ACBD6: variants seen among roughly 807,000 people sequenced by gnomAD.
The protein encoded by ACBD6 is acyl-CoA binding domain containing 6.
ACBD6 carries 28 observed loss-of-function variants against 37.2 expected under a neutral mutation model. The observed-to-expected ratio is 0.75, with a 90% CI of 0.56 to 1.03. ACBD6 has a LOEUF of 1.03. Ranked by LOEUF, ACBD6 falls within the 50% of genes least tolerant of loss-of-function variation. The pLI is 0.00. For missense variants in ACBD6, 340 were observed against 337.4 expected (o/e 1.01, Z -0.06); for synonymous variants, 113 against 126.8 (o/e 0.89, Z 0.73).
chr1:180,326,202 C>T (rs1160176244), intron 6 of ACBD6, among the ~76,000 whole-genome samples: 1 of 152,176 alleles, frequency 6.6e-6, no homozygotes, highest in African/African-American at 2.4e-5. Context: ...ACCTGGTGTT[C>T]TATTTTACTG....
chr1:180,354,850 GAT>G (rs963878975), intron 6 of ACBD6, among the ~76,000 whole-genome samples: 3 of 152,044 alleles, frequency 2.0e-5, no homozygotes, highest in African/African-American at 7.2e-5. Flanking sequence ...TCTTATTTCT[GAT>G]ATAGTTTTTA....
At chr1:180,344,533 C>G (rs1199391433) in intron 6 of ACBD6, among the ~76,000 whole-genome samples, 1 of 152,098 alleles carries the variant, frequency 6.6e-6, no homozygotes, top group Non-Finnish European at 1.5e-5. Context: ...CTGAAAAGAA[C>G]ACTTATCTAG....
At chr1:180,433,405 C>T (rs1015370658) in intron 3 of ACBD6, among the ~76,000 whole-genome samples, 2 of 152,104 alleles carry the variant, frequency 1.3e-5, no homozygotes, top group Admixed American at 6.5e-5. Flanking sequence ...ACAATAAAGG[C>T]TATATATGAA....
At chr1:180,319,704 A>C (rs1650979545) in intron 6 of ACBD6, among the ~76,000 whole-genome samples, 1 of 152,048 alleles carries the variant, frequency 6.6e-6, no homozygotes, top group African/African-American at 2.4e-5. Flanking sequence ...CTCTATCTCC[A>C]TGAGTTCAAC....
At chr1:180,295,141 TCA>T (rs907040174) in intron 7 of ACBD6, among the ~76,000 whole-genome samples, 1 of 152,240 alleles carries the variant, frequency 6.6e-6, no homozygotes, top group African/African-American at 2.4e-5. Flanking sequence ...CTTTATTGTT[TCA>T]CACTTACTTT....
downstream of ACBD6, among the ~76,000 whole-genome samples, chr1:180,287,578 CTTTTTTTTTT>C (rs72179174): frequency 5.6e-5 from 4 of 71,568 alleles, no homozygotes; most frequent in African/African-American, 1.0e-4. Flanking sequence ...CAGATCTAAG[CTTTTTTTTTT>C]TTTTTTTTTT....
chr1:180,342,036 G>C (rs1652002875), intron 6 of ACBD6, among the ~76,000 whole-genome samples: 1 of 152,042 alleles, frequency 6.6e-6, no homozygotes, highest in South Asian at 2.1e-4. Flanking sequence ...TGCCTAATTT[G>C]GAGCTTTTGT....
intron 6 of ACBD6, among the ~76,000 whole-genome samples, chr1:180,365,902 A>G (rs1653037461): frequency 4.6e-5 from 7 of 152,054 alleles, no homozygotes; most frequent in Admixed American, 4.6e-4. Flanking sequence ...CACTCTGAGT[A>G]TATCAGTTTG....
At chr1:180,376,397 T>C (rs1346678979) in intron 6 of ACBD6, among the ~76,000 whole-genome samples, 1 of 152,208 alleles carries the variant, frequency 6.6e-6, no homozygotes, top group Non-Finnish European at 1.5e-5. Context: ...GTTGCAGCAC[T>C]GTTTGTAATT....
intron 6 of ACBD6, among the ~76,000 whole-genome samples, chr1:180,325,053 CTTGA>C (rs1651204289): frequency 1.3e-5 from 2 of 152,004 alleles, no homozygotes; most frequent in South Asian, 4.1e-4. Flanking sequence ...CCTCTGGGAG[CTTGA>C]TTATTAAATG....
chr1:180,378,201 T>C (rs61700262), intron 6 of ACBD6, among the ~76,000 whole-genome samples: 5,498 of 152,236 alleles, frequency 0.036, 307 homozygotes, highest in African/African-American at 0.12. Context: ...ACTTCTGTGA[T>C]ATTCTTGCCA....
intron 3 of ACBD6, among the ~76,000 whole-genome samples, chr1:180,450,831 C>T (rs1324100041): frequency 6.6e-6 from 1 of 151,960 alleles, no homozygotes; most frequent in Non-Finnish European, 1.5e-5. Context: ...CTATGTGGGC[C>T]TAAAAAGCAA....
intron 6 of ACBD6, among the ~76,000 whole-genome samples, chr1:180,363,764 C>A (rs1652933284): frequency 6.6e-6 from 1 of 152,118 alleles, no homozygotes; most frequent in African/African-American, 2.4e-5. Context: ...GTCCTTGAAC[C>A]TATGGTGCAC....
chr1:180,319,691 ACT>A (rs1226948733), intron 6 of ACBD6, among the ~76,000 whole-genome samples: 1 of 151,744 alleles, frequency 6.6e-6, no homozygotes, highest in Non-Finnish European at 1.5e-5. Flanking sequence ...CCATCCTCCT[ACT>A]CTCTATCTCC....
intron 6 of ACBD6, among the ~76,000 whole-genome samples, chr1:180,364,146 T>A (rs1048945898): frequency 6.6e-6 from 1 of 152,212 alleles, no homozygotes; most frequent in South Asian, 2.1e-4. Context: ...CTGGCTAATA[T>A]TGGGCTAATA....
At chr1:180,472,027 T>A (rs1172594337) in intron 3 of ACBD6, among the ~76,000 whole-genome samples, 1 of 152,180 alleles carries the variant, frequency 6.6e-6, no homozygotes, top group Non-Finnish European at 1.5e-5. Flanking sequence ...AATGTTCCTA[T>A]CTCTAATGAC....
In ACBD6 at chr1:180,419,557, G is replaced by A. The variant is rs981018628; in HGVS notation, c.468-6086C>T. ...CCTTAAACAACACGGAGGGTGGGGGGCACCGACCCCCTGCATAGTCAAAAA... is the reference window on the plus strand; with the variant it reads ...CCTTAAACAACACGGAGGGTGGGGGACACCGACCCCCTGCATAGTCAAAAA... On this transcript the variant is annotated intron_variant, in intron 4 of 7. Transcript: ENST00000367595. 5.9e-5 allele frequency among the ~76,000 whole-genome samples: 9 copies of A among 152,244 alleles called. No homozygotes were observed. In the East Asian group the frequency reaches 1.7e-3, roughly 29 times the overall value.
intron 6 of ACBD6, among the ~76,000 whole-genome samples, chr1:180,386,268 T>C (rs541780041): frequency 1.3e-5 from 2 of 152,342 alleles, no homozygotes; most frequent in African/African-American, 4.8e-5. Flanking sequence ...TTATGATGGG[T>C]TTATCAGGAT....
At chr1:180,493,968 G>A (rs994192007) in intron 2 of ACBD6, among the ~76,000 whole-genome samples, 1 of 152,128 alleles carries the variant, frequency 6.6e-6, no homozygotes, top group Non-Finnish European at 1.5e-5. Context: ...TAATATATAG[G>A]TGACATGCCC....
Sources: allele counts gnomAD v4.1 joint callset (sites outside exome capture counted in the v4.1 genomes callset), GRCh38; gene constraint gnomAD v4.1.1; transcripts MANE v1.5; gene names NCBI Gene and HGNC (gene_info 2026-07-23, HGNC 2026-07-21).